The following BCAS3 variants were observed in gnomAD, a reference collection of about 807,000 sequenced individuals.
BCAS3 encodes the protein BCAS4/BCAS3 fusion.
BCAS3 carries 53 observed loss-of-function variants against 116.1 expected under a neutral mutation model. The observed-to-expected ratio is 0.46, with a 90% confidence interval of 0.37 to 0.57. The LOEUF is 0.57. BCAS3 is among the 20% of genes least tolerant of loss of function. The pLI, the probability that BCAS3 is intolerant of heterozygous loss-of-function variation, is 0.00. For synonymous variants in BCAS3, 391 were observed against 408.2 expected (o/e 0.96, Z 0.51); for missense variants, 917 against 1,165.4 (o/e 0.79, Z 3.10).
chr17:60,680,379 G>C (rs1460537674), intron 2 of BCAS3, among the ~76,000 whole-genome samples: 4 of 151,986 alleles, frequency 2.6e-5, no homozygotes, highest in Non-Finnish European at 4.4e-5. Context: ...CATCACCCAG[G>C]TATTAAGCAT....
chr17:60,950,274 A>G lies in BCAS3; in HGVS notation c.1221+2922A>G, dbSNP rs577755604. 3.9e-5 allele frequency among the ~76,000 whole-genome samples: 6 copies of G among 152,318 alleles called. No homozygotes were observed. The East Asian group carries it at 1.2e-3, about 29-fold the overall frequency. On this transcript the variant is annotated intron_variant, in intron 14 of 23. Transcript: ENST00000407086. Reference sequence around the variant, plus strand: ...GGGAGGGGAGGGTTGGTTAGATAATAGGACAAATAAGTGACAGAAGACAAT... The same window carrying G: ...GGGAGGGGAGGGTTGGTTAGATAATGGGACAAATAAGTGACAGAAGACAAT...
chr17:61,148,590 A>G (rs2077372687), intron 22 of BCAS3, among the ~76,000 whole-genome samples: 1 of 152,106 alleles, frequency 6.6e-6, no homozygotes, highest in Admixed American at 6.5e-5. Flanking sequence ...ATATTTCCTG[A>G]TTTTTTAAAC....
intron 6 of BCAS3, among the ~76,000 whole-genome samples, chr17:60,756,494 T>C (rs2043000466): frequency 6.6e-6 from 1 of 152,220 alleles, no homozygotes; most frequent in South Asian, 2.1e-4. Context: ...TCAGTTTCTT[T>C]AGCTTCCACA....
At position 61,362,278 on chromosome 17, in the gene BCAS3, C is replaced by A. The variant is rs757791482; in HGVS notation, c.2426-6049C>A. On this transcript the variant is annotated intron_variant, in intron 22 of 23. Coordinates refer to ENST00000407086, the MANE Select transcript of BCAS3 (RefSeq NM_017679.5). The surrounding 1 kb of genome is among the most constrained non-coding windows in gnomAD (Gnocchi z 4.4). ...GGGATCATTTCTTAGTTATTGTAGACGTCATCATCACAACCTCTCACCAAG... is the reference window on the plus strand; with the variant it reads ...GGGATCATTTCTTAGTTATTGTAGAAGTCATCATCACAACCTCTCACCAAG... Among the ~76,000 whole-genome samples, 1 of 152,220 alleles carries A rather than the reference C, an allele frequency of 6.6e-6. No individual in the cohort carries two copies. The highest frequency in any genetic ancestry group is 1.5e-5 in the Non-Finnish European group (1 of 68,036).
chr17:60,856,421 G>T (rs767865727), intron 7 of BCAS3, among the ~76,000 whole-genome samples: 1 of 152,176 alleles, frequency 6.6e-6, no homozygotes, highest in Non-Finnish European at 1.5e-5. Context: ...GGGTGTGGTG[G>T]CTCATGCCTG....
chr17:60,986,206 G>T (rs553056237), intron 14 of BCAS3, among the ~76,000 whole-genome samples: 1 of 152,132 alleles, frequency 6.6e-6, no homozygotes, highest in Non-Finnish European at 1.5e-5. Flanking sequence ...ACTCCATTGC[G>T]TATATATACC....
intron 4 of BCAS3, among the ~76,000 whole-genome samples, chr17:60,703,939 A>G (rs2143961357): frequency 6.6e-6 from 1 of 151,070 alleles, no homozygotes; most frequent in East Asian, 1.9e-4. Context: ...GAAAAAAAGA[A>G]AAAAAAAAGA....
chr17:60,688,441 AGG>A (rs1348725691), intron 3 of BCAS3, among the ~76,000 whole-genome samples: 11 of 151,964 alleles, frequency 7.2e-5, no homozygotes, highest in African/African-American at 2.4e-4. Context: ...CTGGGACTAC[AGG>A]TGCATGCCAC....
At chr17:60,857,418 A>G (rs7212664) in intron 7 of BCAS3, among the ~76,000 whole-genome samples, 4,634 of 152,238 alleles carry the variant, frequency 0.03, 181 homozygotes, top group East Asian at 0.092. Context: ...GTCAAACACA[A>G]TCCTTTAAAA....
Position 61,104,694 on chromosome 17 carries a change from T to A in BCAS3, c.2425+20130T>A, listed in dbSNP as rs1313667156. On this transcript the variant is annotated intron_variant, in intron 22 of 23. Coordinates refer to ENST00000407086, the MANE Select transcript of BCAS3 (RefSeq NM_017679.5). This position sits in a 1 kb window ranked among gnomAD's most constrained non-coding sequence, Gnocchi z 4.1. ...ATCAATTCTGCTTCATTAAAGGACT[T>A]TAGATGATCATCTTAAAGCTTTAAA... Among the ~76,000 whole-genome samples the A allele has an allele frequency of 2.6e-5, 4 of 152,168 alleles. No homozygotes were observed. The highest frequency in any genetic ancestry group is 9.7e-5 in the African/African-American group (4 of 41,436).
chr17:60,837,262 C>T (rs1435826560), intron 7 of BCAS3, among the ~76,000 whole-genome samples: 1 of 152,118 alleles, frequency 6.6e-6, no homozygotes, highest in Non-Finnish European at 1.5e-5. Flanking sequence ...CATCCACAAC[C>T]TTGTTTAAGC....
intron 6 of BCAS3, among the ~76,000 whole-genome samples, chr17:60,805,099 A>C (rs143399172): frequency 2.0e-5 from 3 of 151,844 alleles, no homozygotes; most frequent in African/African-American, 7.2e-5. Context: ...AAAGATATAT[A>C]GTTATCGTTA....
intron 22 of BCAS3, among the ~76,000 whole-genome samples, chr17:61,277,642 A>T (rs994397233): frequency 1.4e-5 from 2 of 145,236 alleles, no homozygotes; most frequent in Non-Finnish European, 3.0e-5. Context: ...TACTACATAC[A>T]TACACAATAA....
intron 7 of BCAS3, among the ~76,000 whole-genome samples, chr17:60,826,872 C>T (rs777454888): frequency 1.1e-4 from 16 of 152,216 alleles, no homozygotes; most frequent in East Asian, 5.8e-4. Context: ...ATAATGATAA[C>T]GTGGATGATA....
intron 5 of BCAS3, among the ~76,000 whole-genome samples, chr17:60,737,765 T>C (rs368717060): frequency 9.9e-5 from 15 of 151,858 alleles, no homozygotes; most frequent in East Asian, 5.8e-4. Context: ...TGATTTCTGT[T>C]CTTTTATTTT....
chr17:60,734,683 A>G (rs1002010007), intron 5 of BCAS3, among the ~76,000 whole-genome samples: 1 of 152,220 alleles, frequency 6.6e-6, no homozygotes, highest in Non-Finnish European at 1.5e-5. Flanking sequence ...CCATTGATCT[A>G]ATTATCTAGT....
At chr17:61,086,991 C>G in intron 22 of BCAS3, 2 of 985,244 alleles carry the variant, frequency 2.0e-6, no homozygotes, top group Middle Eastern at 5.2e-4. Context: ...TGGAAAACAA[C>G]ATCTAGGCTA....
In BCAS3 at chr17:61,019,799, G is replaced by A. The variant is rs1043402013; in HGVS notation, c.1637+3898G>A. On this transcript the variant is annotated intron_variant, in intron 16 of 23. Transcript: ENST00000407086. This position sits in a 1 kb window ranked among gnomAD's most constrained non-coding sequence, Gnocchi z 5.6. ...TGAGAAATCTGATGGCTCCATTAACGTCACCAGGGTGATGAGCACATGAGA... is the reference window on the plus strand; with the variant it reads ...TGAGAAATCTGATGGCTCCATTAACATCACCAGGGTGATGAGCACATGAGA... 5.9e-5 allele frequency among the ~76,000 whole-genome samples: 9 copies of A among 152,040 alleles called. No homozygotes were observed. The highest frequency in any genetic ancestry group is 1.0e-4 in the Non-Finnish European group (7 of 68,012).
chr17:60,925,957 T>C (rs760206951), intron 13 of BCAS3, among the ~76,000 whole-genome samples: 9 of 152,108 alleles, frequency 5.9e-5, no homozygotes, highest in South Asian at 2.1e-4. Context: ...CCTATACACA[T>C]AGCCTGAAGG....
Sources: gnomAD v4.1 joint callset for allele counts (sites outside exome capture counted in the v4.1 genomes callset) on GRCh38, gnomAD v4.1.1 for gene constraint, Gnocchi (gnomAD v3.1) non-coding constraint, MANE v1.5 for transcripts, NCBI Gene and HGNC (gene_info 2026-07-23, HGNC 2026-07-21) for gene names.